Variants in GALNT14 observed in about 807,000 individuals in gnomAD.
The protein encoded by GALNT14 is UDP-GalNAc:polypeptide N-acetylgalactosaminyltransferase 14.
GALNT14 carries 60 observed loss-of-function variants against 77.5 expected under a neutral mutation model. The ratio of observed to expected loss-of-function variants is 0.77; its 90% CI spans 0.63 to 0.96. The LOEUF is 0.96. Among genes scored for constraint, GALNT14 ranks in the 40% least tolerant of loss-of-function variants. The pLI, the probability that GALNT14 is intolerant of heterozygous loss-of-function variation, is 0.00. For synonymous variants in GALNT14, 280 were observed against 281.7 expected, an observed-to-expected ratio of 0.99 and a Z score of 0.06; for missense variants, 710 against 731.0, an observed-to-expected ratio of 0.97 and a Z score of 0.33.
At chr2:31,010,848 G>T (rs952778083) in intron 1 of GALNT14, among the ~76,000 whole-genome samples, 1 of 152,184 alleles carries the variant, frequency 6.6e-6, no homozygotes, top group Non-Finnish European at 1.5e-5. Flanking sequence ...AGGGCTTTCT[G>T]CCTGGAATAC....
At chr2:30,908,547 G>T (rs1341074743), downstream of GALNT14, among the ~76,000 whole-genome samples, 39 of 146,112 alleles carry the variant, frequency 2.7e-4, no homozygotes, top group Admixed American at 7.5e-4. Context: ...CACTGCTCAA[G>T]GAAATAAAAG....
Position 30,932,213 on chromosome 2 carries a change from C to A in GALNT14, c.932-19G>T, listed in dbSNP as rs768469194. On this transcript the variant is annotated intron_variant, in intron 9 of 14. Transcript: ENST00000349752. ...GAGATTTCTGCAAGACAGTCACGCC[C>A]CTCCTATGACCTCTTATCACTGCTG... 1 of 1,442,382 alleles carries A rather than the reference C, an allele frequency of 6.9e-7. No individual in the cohort carries two copies. The highest frequency in any genetic ancestry group is 2.5e-5 in the Admixed American group (1 of 40,100). The allele number at this position is 1,442,382 out of a possible 1,614,324, so 89.3% of individuals were successfully genotyped here. A position where few individuals can be genotyped will look rare whatever the true frequency, so the allele number is the denominator to read the frequency against.
In GALNT14 at chr2:30,988,804, C is replaced by T. The variant is rs148978267; in HGVS notation, c.299+4034G>A. 7.2e-5 allele frequency among the ~76,000 whole-genome samples: 11 copies of T among 152,298 alleles called. No individual in the cohort carries two copies. The East Asian group carries it at 1.9e-3, about 27-fold the overall frequency. On this transcript the variant is annotated intron_variant, in intron 2 of 14. Coordinates refer to ENST00000349752, the MANE Select transcript of GALNT14 (RefSeq NM_024572.4). ...AAACTCCACCCCCAGAGTTTCTGAT[C>T]CAGTAGTTCTGGGTGAAACCTAAGA...
At chr2:31,050,314 C>A (rs1045656718) in intron 1 of GALNT14, among the ~76,000 whole-genome samples, 1 of 152,114 alleles carries the variant, frequency 6.6e-6, no homozygotes, top group African/African-American at 2.4e-5. Context: ...ATTTACCAAG[C>A]GGCCGAGGCG....
intron 1 of GALNT14, among the ~76,000 whole-genome samples, chr2:31,086,598 A>C (rs1311855781): frequency 6.6e-6 from 1 of 152,168 alleles, no homozygotes; most frequent in Non-Finnish European, 1.5e-5. Flanking sequence ...TTTTACATAC[A>C]TTAACTAAGA....
At chr2:31,056,727 G>A (rs779169499) in intron 1 of GALNT14, among the ~76,000 whole-genome samples, 6 of 152,134 alleles carry the variant, frequency 3.9e-5, no homozygotes, top group Admixed American at 6.5e-5. Context: ...TTTTAAACTC[G>A]TGATATAGTG....
rs143864956 is a variant in GALNT14, at chr2:30,949,145, C to G, written c.655-3275G>C. 5.3e-5 allele frequency among the ~76,000 whole-genome samples: 8 copies of G among 152,260 alleles called. No individual in the cohort carries two copies. In the East Asian group the frequency reaches 1.5e-3, roughly 29 times the overall value. The stretch of plus-strand genomic sequence containing the variant: ...TGCAAGAGGCTTTATAATGAGTCAC[C>G]AAAGTCAGGACACGACCTCTCTGAG... On this transcript the variant is annotated intron_variant, in intron 6 of 14. Coordinates refer to ENST00000349752, the MANE Select transcript of GALNT14 (RefSeq NM_024572.4).
intron 1 of GALNT14, among the ~76,000 whole-genome samples, chr2:31,137,122 T>C (rs1412156438): frequency 6.6e-6 from 1 of 152,232 alleles, no homozygotes; most frequent in Non-Finnish European, 1.5e-5. Context: ...CGAAAAACTA[T>C]GATCAAATAA....
Position 30,966,201 on chromosome 2 carries a change from C to T in GALNT14, c.398+3G>A, listed in dbSNP as rs1193466652. 2.5e-6 allele frequency: 4 copies of T among 1,613,312 alleles called. No homozygotes were observed. The East Asian group carries it at 8.9e-5, about 36-fold the overall frequency. On this transcript the variant is annotated splice_donor_region_variant and intron_variant, in intron 3 of 14. Transcript: ENST00000349752. ...GGCCAACAGACAAGCAAGGATGCCT[C>T]ACCTGCGGATGGTCCTGAGCAGCGT...
At chr2:30,934,241 G>C (rs756092632) in intron 9 of GALNT14, among the ~76,000 whole-genome samples, 2 of 152,160 alleles carry the variant, frequency 1.3e-5, no homozygotes, top group African/African-American at 2.4e-5. Flanking sequence ...GTAGCACATA[G>C]AGGAACCTGG....
intron 1 of GALNT14, among the ~76,000 whole-genome samples, chr2:31,130,839 G>A (rs1053245478): frequency 5.5e-5 from 8 of 145,420 alleles, no homozygotes; most frequent in African/African-American, 2.0e-4. Context: ...CATGTTCTTC[G>A]GTATCCCAAA....
intron 1 of GALNT14, among the ~76,000 whole-genome samples, chr2:31,103,951 A>G (rs1677424127): frequency 6.6e-6 from 1 of 152,234 alleles, no homozygotes; most frequent in Non-Finnish European, 1.5e-5. Context: ...GAGTTATTGC[A>G]TGTCCAAAAA....
rs753205219 is a variant in GALNT14, at chr2:30,955,916, C to T, written c.528G>A (p.Arg176=). 2 of 1,613,996 alleles carry T rather than the reference C, an allele frequency of 1.2e-6. No individual in the cohort carries two copies. Among genetic ancestry groups the T allele is most frequent in the African/African-American group, 1.3e-5 (1 of 75,052 alleles). ...CGCACAACAGCTCAGACCTACCTTGCCGTTCATTATTGCGCAAGCATTTCA... is the reference window on the plus strand; with the variant it reads ...CGCACAACAGCTCAGACCTACCTTGTCGTTCATTATTGCGCAAGCATTTCA... ...PKVKCLRNNE[R]QGLVRSRIRG... The change falls in exon 5 of 15, where the codon CGG becomes CGA. Residue 176 remains arginine (R), a synonymous_variant. Coordinates refer to ENST00000349752, the MANE Select transcript of GALNT14 (RefSeq NM_024572.4).
intron 1 of GALNT14, among the ~76,000 whole-genome samples, chr2:31,111,030 C>T (rs146825069): frequency 1.4e-4 from 22 of 152,284 alleles, no homozygotes; most frequent in African/African-American, 5.1e-4. Context: ...GTCTCCTACC[C>T]CTATGGTTGT....
At chr2:30,928,157 C>A (rs1478520423) in intron 11 of GALNT14, among the ~76,000 whole-genome samples, 1 of 152,098 alleles carries the variant, frequency 6.6e-6, no homozygotes, top group East Asian at 1.9e-4. Context: ...ACCTGAGGGG[C>A]AGCATGGATT....
chr2:30,937,084 C>G (rs1350822886), intron 9 of GALNT14, among the ~76,000 whole-genome samples: 1 of 152,194 alleles, frequency 6.6e-6, no homozygotes, highest in Non-Finnish European at 1.5e-5. Flanking sequence ...GACTTGCTAT[C>G]ACACTTGTAT....
chr2:31,104,059 C>T (rs887590341), intron 1 of GALNT14, among the ~76,000 whole-genome samples: 2 of 152,082 alleles, frequency 1.3e-5, no homozygotes, highest in Admixed American at 6.6e-5. Flanking sequence ...GATGTTGTTT[C>T]GCTGTCTTCT....
chr2:31,074,448 C>T (rs1212187652), intron 1 of GALNT14, among the ~76,000 whole-genome samples: 1 of 151,760 alleles, frequency 6.6e-6, no homozygotes, highest in Non-Finnish European at 1.5e-5. Flanking sequence ...TTTTATTTCT[C>T]ACATCTCTGG....
chr2:30,977,701 T>G (rs1350156219), intron 2 of GALNT14, among the ~76,000 whole-genome samples: 1 of 152,002 alleles, frequency 6.6e-6, no homozygotes, highest in Non-Finnish European at 1.5e-5. Flanking sequence ...TGTTTGAGGG[T>G]CAAGGGTCCT....
Sources: gnomAD v4.1 joint callset for allele counts (sites outside exome capture counted in the v4.1 genomes callset) on GRCh38, gnomAD v4.1.1 for gene constraint, MANE v1.5 for transcripts, NCBI Gene and HGNC (gene_info 2026-07-23, HGNC 2026-07-21) for gene names.